Variants in LEPR observed in about 807,000 individuals in gnomAD.
The protein encoded by LEPR is OB receptor.
Under a neutral mutation model 114.7 loss-of-function variants are expected in LEPR, and 56 were observed. That is an observed-to-expected ratio of 0.49 (90% CI 0.39 to 0.61). LEPR has a LOEUF of 0.61. LEPR is among the 20% of genes least tolerant of loss of function. The probability of loss-of-function intolerance (pLI) is 0.00; values close to 1 mark genes in which losing one functional copy is unlikely to be tolerated. For missense variants in LEPR, 1,202 were observed against 1,352.9 expected (o/e 0.89, Z 1.75); for synonymous variants, 443 against 461.4 (o/e 0.96, Z 0.51).
chr1:65,508,192 C>T (rs12082485), intron 2 of LEPR, among the ~76,000 whole-genome samples: 101,671 of 152,018 alleles, frequency 0.67, 35,013 homozygotes, highest in Middle Eastern at 0.86. Flanking sequence ...TTTAGTTTGA[C>T]GCAATCCCAT....
rs1232753729 is a variant in LEPR, at chr1:65,638,560, GT to G, written c.*1547del. The stretch of plus-strand genomic sequence containing the variant: ...GAGACAAGAGACTCCCAATTTTACT[GT>G]TATCCTAAATAAATCTCTACATTCC... On this transcript the variant is annotated 3_prime_UTR_variant, in exon 20 of 20. Transcript: ENST00000349533. The G allele has an allele frequency of 6.6e-6, 1 of 152,082 alleles. No homozygotes were observed. The highest frequency in any genetic ancestry group is 1.5e-5 in the Non-Finnish European group (1 of 68,008). The allele number at this position is 152,082 out of a possible 1,614,324, so 9.4% of individuals were successfully genotyped here.
chr1:65,601,844 T>C lies in LEPR; in HGVS notation c.1287T>C (p.Asp429=). 6.2e-7 allele frequency: 1 copy of C among 1,611,708 alleles called. No homozygotes were observed. The highest frequency in any genetic ancestry group is 8.5e-7 in the Non-Finnish European group (1 of 1,178,086). Residue 429 remains aspartate, a splice_region_variant and synonymous_variant, in exon 10 of 20, where the codon GAT becomes GAC. Transcript: ENST00000349533. ...AATATTTTAATATGTTTCAAATAGA[T>C]GTCAATATCAATATCTCATGTGAAA... is the stretch of plus-strand genomic sequence containing the variant. ...HHRYAELYVI[D]VNINISCETD...
At chr1:65,469,507 C>G (rs1361570016) in intron 2 of LEPR, among the ~76,000 whole-genome samples, 1 of 152,112 alleles carries the variant, frequency 6.6e-6, no homozygotes, top group Non-Finnish European at 1.5e-5. Context: ...CAACAGATGA[C>G]TAAATACTCG....
intron 2 of LEPR, among the ~76,000 whole-genome samples, chr1:65,540,377 C>A (rs1275650777): frequency 3.9e-5 from 6 of 152,160 alleles, no homozygotes; most frequent in Admixed American, 2.6e-4. Flanking sequence ...ATATTTGGGT[C>A]ATGGGGTGGG....
intron 5 of LEPR, among the ~76,000 whole-genome samples, chr1:65,579,863 GTTATAGCTGAGAA>G (rs1654862550): frequency 6.6e-6 from 1 of 152,088 alleles, no homozygotes; most frequent in Non-Finnish European, 1.5e-5. Flanking sequence ...TAGTTACTTA[GTTATAGCTGAGAA>G]TTTTAGCTTC....
At position 65,565,674 on chromosome 1, in the gene LEPR, T is replaced by A; in HGVS notation, c.40+69T>A. 5.2e-6 allele frequency: 8 copies of A among 1,550,262 alleles called. No individual in the cohort carries two copies. The South Asian group carries it at 7.9e-5, about 15-fold the overall frequency. On this transcript the variant is annotated intron_variant, in intron 3 of 19. Coordinates refer to ENST00000349533, the MANE Select transcript of LEPR (RefSeq NM_002303.6). ...GTAGAGATTTTGCCTTTAGAGATGC[T>A]GTTTTATTTATTAGCTAACAGAATT...
In LEPR at chr1:65,596,609, T is replaced by G. The variant is rs1322339101; in HGVS notation, c.849+16T>G. The stretch of plus-strand genomic sequence containing the variant: ...TATCAGAGAAGTAAGTATATTTTAG[T>G]AAGTAAAAGGAAAAGTTGAGAAGTA... On this transcript the variant is annotated intron_variant, in intron 7 of 19. Coordinates refer to ENST00000349533, the MANE Select transcript of LEPR (RefSeq NM_002303.6). 1 of 1,609,182 alleles carries G rather than the reference T, an allele frequency of 6.2e-7. No individual in the cohort carries two copies. Among genetic ancestry groups the G allele is most frequent in the Non-Finnish European group, 8.5e-7 (1 of 1,176,544 alleles).
chr1:65,605,106 A>C lies in LEPR; in HGVS notation c.1472A>C (p.Gln491Pro), dbSNP rs1656727327. The change falls in exon 11 of 20, where the codon CAG becomes CCG. Residue 491 changes from glutamine to proline, a missense_variant. By Grantham distance (76) the Gln-to-Pro change is moderately conservative (BLOSUM62 -1). Transcript: ENST00000349533. ...TCTGAGCCCAAAGATTGCTATTTGC[A>C]GAGTGATGGTTTTTATGAATGCATT... Reference protein sequence around the residue: ...PISEPKDCYLQSDGFYECIFQ... With the variant: ...PISEPKDCYLPSDGFYECIFQ... The C allele has an allele frequency of 9.3e-6, 15 of 1,614,112 alleles. No homozygotes were observed. The highest frequency in any genetic ancestry group is 1.3e-5 in the Non-Finnish European group (15 of 1,180,020).
chr1:65,475,193 A>G (rs988459565), intron 2 of LEPR, among the ~76,000 whole-genome samples: 4 of 152,316 alleles, frequency 2.6e-5, no homozygotes, highest in South Asian at 2.1e-4. Flanking sequence ...AGTTAATACT[A>G]TAATTGATGT....
intron 2 of LEPR, chr1:65,435,255 T>A (rs1434865368): frequency 7.1e-6 from 7 of 984,084 alleles, no homozygotes; most frequent in Non-Finnish European, 8.4e-6. Context: ...CTCTGAGGTA[T>A]CTCCTCAATG....
chr1:65,473,270 G>A (rs1647112617), intron 2 of LEPR, among the ~76,000 whole-genome samples: 1 of 152,174 alleles, frequency 6.6e-6, no homozygotes, highest in African/African-American at 2.4e-5. Context: ...ATCTAGTCTG[G>A]CTAAATCCAA....
intron 8 of LEPR, among the ~76,000 whole-genome samples, chr1:65,599,825 A>G (rs775546953): frequency 5.9e-5 from 9 of 152,168 alleles, no homozygotes; most frequent in Non-Finnish European, 1.3e-4. Flanking sequence ...TCATATGCAG[A>G]TAAAATGTGT....
chr1:65,594,855 G>A (rs1655944706), intron 6 of LEPR, among the ~76,000 whole-genome samples: 2 of 152,002 alleles, frequency 1.3e-5, no homozygotes, highest in Admixed American at 1.3e-4. Context: ...ATTTCAAGAA[G>A]GAGGGAATAA....
intron 2 of LEPR, among the ~76,000 whole-genome samples, chr1:65,451,808 T>A (rs1646789234): frequency 6.6e-6 from 1 of 152,126 alleles, no homozygotes; most frequent in East Asian, 1.9e-4. Flanking sequence ...TTTCCAATTC[T>A]GTGAAGAAAG....
chr1:65,638,101 C>A lies in LEPR; in HGVS notation c.*1086C>A, dbSNP rs1658770572. ...CAGTGGTGCATGCCTGTAATCCCAG[C>A]ACTTTGGGAGGCTGAGGCGGGTGGA... is the stretch of plus-strand genomic sequence containing the variant. On this transcript the variant is annotated 3_prime_UTR_variant, in exon 20 of 20. Transcript: ENST00000349533. 6.6e-6 allele frequency: 1 copy of A among 152,192 alleles called. No individual in the cohort carries two copies. Among genetic ancestry groups the A allele is most frequent in the Non-Finnish European group, 1.5e-5 (1 of 68,054 alleles). The allele number at this position is 152,192 out of a possible 1,614,324, so 9.4% of individuals were successfully genotyped here.
At chr1:65,600,421 G>T (rs748636627) in intron 8 of LEPR, among the ~76,000 whole-genome samples, 1 of 152,068 alleles carries the variant, frequency 6.6e-6, no homozygotes, top group African/African-American at 2.4e-5. Context: ...AGACATTGAC[G>T]TTTACCATGC....
chr1:65,461,187 C>G (rs1291183595), intron 2 of LEPR, among the ~76,000 whole-genome samples: 1 of 151,958 alleles, frequency 6.6e-6, no homozygotes, highest in Admixed American at 6.6e-5. Flanking sequence ...GTTGGCCAGG[C>G]CAGTCTCCAA....
chr1:65,546,736 C>T (rs199726895), intron 2 of LEPR, among the ~76,000 whole-genome samples: 1 of 152,166 alleles, frequency 6.6e-6, no homozygotes, highest in African/African-American at 2.4e-5. Flanking sequence ...TCTAGATATA[C>T]AATCATGTCA....
At chr1:65,614,388 C>T (rs1403375497) in intron 14 of LEPR, among the ~76,000 whole-genome samples, 1 of 152,108 alleles carries the variant, frequency 6.6e-6, no homozygotes, top group Non-Finnish European at 1.5e-5. Context: ...AAGGAATCTA[C>T]CTGTATTACA....
Sources: allele counts gnomAD v4.1 joint callset (sites outside exome capture counted in the v4.1 genomes callset), GRCh38; gene constraint gnomAD v4.1.1; transcripts MANE v1.5; gene names NCBI Gene and HGNC (gene_info 2026-07-23, HGNC 2026-07-21).